The following PTCHD1 variants were observed in gnomAD, a reference collection of about 807,000 sequenced individuals.
PTCHD1 encodes the protein patched domain-containing protein 1.
PTCHD1 carries 3 observed loss-of-function variants against 34.6 expected under a neutral mutation model. The ratio of observed to expected loss-of-function variants is 0.09; its 90% confidence interval spans 0.04 to 0.22. The LOEUF (loss-of-function observed/expected upper bound fraction) is 0.22. PTCHD1 is among the 10% of genes least tolerant of loss of function. PTCHD1 has a pLI of 1.00. For synonymous variants in PTCHD1, 305 were observed against 283.1 expected, an observed-to-expected ratio of 1.08 and a Z score of -0.77; for missense variants, 504 against 685.5, an observed-to-expected ratio of 0.74 and a Z score of 2.96.
chrX:23,389,996 C>T (rs996247189), intron 2 of PTCHD1, among the ~76,000 whole-genome samples: 1 of 111,684 alleles, frequency 9.0e-6, no homozygotes, highest in African/African-American at 3.3e-5. Context: ...ATTCAAATTC[C>T]TTTTCTCAAT....
At chrX:23,347,002 T>A (rs2146613416) in intron 1 of PTCHD1, among the ~76,000 whole-genome samples, 1 of 112,172 alleles carries the variant, frequency 8.9e-6, no homozygotes, top group South Asian at 3.7e-4. Flanking sequence ...ATTATCATTG[T>A]GAAATCCACC....
chrX:23,365,482 G>A (rs1163248395), intron 1 of PTCHD1, among the ~76,000 whole-genome samples: 1 of 110,474 alleles, frequency 9.1e-6, no homozygotes, highest in Non-Finnish European at 1.9e-5. Context: ...AGGGCAAACA[G>A]AACGGAGCAG....
chrX:23,364,638 A>G lies in PTCHD1; in HGVS notation c.352-14953A>G, dbSNP rs188737793. The stretch of plus-strand genomic sequence containing the variant: ...ATGGAGAATTTGTCTCCATCAGCAC[A>G]TACTCCCCAGGCACATCACTGCCTG... On this transcript the variant is annotated intron_variant, in intron 1 of 2. Transcript: ENST00000379361. Among the ~76,000 whole-genome samples, 529 of 112,214 alleles carry G rather than the reference A, an allele frequency of 4.7e-3. 2 individuals are homozygous for G. The highest frequency in any genetic ancestry group is 5.8e-3 in the Non-Finnish European group (311 of 53,214).
chrX:23,336,298 T>A (rs1921168494), intron 1 of PTCHD1, among the ~76,000 whole-genome samples: 2 of 111,535 alleles, frequency 1.8e-5, no homozygotes, highest in Non-Finnish European at 3.8e-5. Flanking sequence ...GCTTGTTTAC[T>A]TAAGGTTCTC....
intron 2 of PTCHD1, among the ~76,000 whole-genome samples, chrX:23,385,266 G>A (rs1176717977): frequency 9.0e-6 from 1 of 111,553 alleles, no homozygotes; most frequent in African/African-American, 3.3e-5. Flanking sequence ...AGAGTAGGTG[G>A]AAATAAATAG....
intron 1 of PTCHD1, among the ~76,000 whole-genome samples, chrX:23,375,545 C>G (rs1267533872): frequency 1.1e-5 from 1 of 87,884 alleles, no homozygotes; most frequent in Non-Finnish European, 2.2e-5. Flanking sequence ...TCCCAAAGTG[C>G]TGGGATTACA....
At chrX:23,380,403 G>A in intron 2 of PTCHD1, 152 bp downstream of exon 2, 1 of 559,937 alleles carries the variant, frequency 1.8e-6, no homozygotes, top group Non-Finnish European at 3.0e-6. Context: ...TAAAGTGCTG[G>A]TAATCAGCAA....
chrX:23,350,966 C>G, intron 1 of PTCHD1: 5 of 218,970 alleles, frequency 2.3e-5, no homozygotes, highest in Non-Finnish European at 3.3e-5. Flanking sequence ...CCAGAGCCTA[C>G]TGGATTCCCA....
intron 1 of PTCHD1, among the ~76,000 whole-genome samples, chrX:23,342,289 TA>T (rs1569132022): frequency 3.7e-3 from 22 of 6,026 alleles, no homozygotes; most frequent in African/African-American, 6.9e-3. Context: ...TATATATATA[TA>T]TATATATATA....
In PTCHD1 at chrX:23,403,745, A is replaced by G. The variant is rs947463361; in HGVS notation, c.*9560A>G. The G allele has an allele frequency of 1.1e-4, 12 of 111,547 alleles. No individual in the cohort carries two copies. Among genetic ancestry groups the G allele is most frequent in the African/African-American group, 3.6e-4 (11 of 30,653 alleles). The allele number at this position is 111,547 out of a possible 1,213,427, so 9.2% of individuals were successfully genotyped here. On this transcript the variant is annotated 3_prime_UTR_variant, in exon 3 of 3. Coordinates refer to ENST00000379361, the MANE Select transcript of PTCHD1 (RefSeq NM_173495.3). Reference sequence around the variant, plus strand: ...AATGTTTTATCTGAAGAGGCTGTGTATGCCACCCCAGACCCCTGCATTTCT... The same window carrying G: ...AATGTTTTATCTGAAGAGGCTGTGTGTGCCACCCCAGACCCCTGCATTTCT...
chrX:23,390,249 T>TA (rs1922793380), intron 2 of PTCHD1, among the ~76,000 whole-genome samples: 1 of 108,049 alleles, frequency 9.3e-6, no homozygotes, highest in Non-Finnish European at 1.9e-5. Flanking sequence ...TAAATATCAT[T>TA]AAAAAATTAT....
At chrX:23,360,647 C>T (rs151033846) in intron 1 of PTCHD1, among the ~76,000 whole-genome samples, 2 of 111,380 alleles carry the variant, frequency 1.8e-5, no homozygotes, top group African/African-American at 6.5e-5. Flanking sequence ...TCTCTATCTC[C>T]CTCAGTTCTG....
rs201282051 is a variant in PTCHD1 at position 23,341,087 on chromosome X, TG to T, written c.351+5865del. On this transcript the variant is annotated intron_variant, in intron 1 of 2. Transcript: ENST00000379361. ...AATGCCCACTTGTCTCATTTAGATT[TG>T]GGGAGCAGTCTTTTAATTCTCCATT... 3.3e-3 allele frequency among the ~76,000 whole-genome samples: 368 copies of T among 112,327 alleles called. 2 individuals are homozygous for T. Among genetic ancestry groups the T allele is most frequent in the Admixed American group, 0.03 (324 of 10,666 alleles).
At chrX:23,354,727 C>T (rs1204497358) in intron 1 of PTCHD1, among the ~76,000 whole-genome samples, 3 of 108,368 alleles carry the variant, frequency 2.8e-5, no homozygotes, top group Middle Eastern at 4.3e-3. Flanking sequence ...CGCCTGCCAC[C>T]ACGCCCAGCT....
intron 1 of PTCHD1, among the ~76,000 whole-genome samples, chrX:23,361,862 C>T (rs189239016): frequency 2.7e-5 from 3 of 111,722 alleles, no homozygotes; most frequent in African/African-American, 9.8e-5. Flanking sequence ...CAAAATCTCT[C>T]GGCATTTGTT....
chrX:23,392,488 T>C (rs761232825), intron 2 of PTCHD1, 43 bp from the exon 3 acceptor site: 1 of 880,443 alleles, frequency 1.1e-6, no homozygotes, highest in East Asian at 3.1e-5. Context: ...CTTAAGAGAT[T>C]AGTTCTTTAA....
intron 1 of PTCHD1, among the ~76,000 whole-genome samples, chrX:23,347,900 C>T (rs7059463): frequency 0.093 from 10,396 of 111,322 alleles, 396 homozygotes; most frequent in Middle Eastern, 0.12. Context: ...GTCCTAGATT[C>T]TTGGGAAGCT....
chrX:23,337,179 A>G (rs1921191635), intron 1 of PTCHD1, among the ~76,000 whole-genome samples: 1 of 112,333 alleles, frequency 8.9e-6, no homozygotes, highest in Admixed American at 9.4e-5. Flanking sequence ...GTTTGCCTCC[A>G]TATCTAAAGG....
chrX:23,346,370 A>G (rs1290355294), intron 1 of PTCHD1, among the ~76,000 whole-genome samples: 1 of 111,161 alleles, frequency 9.0e-6, no homozygotes, highest in African/African-American at 3.3e-5. Flanking sequence ...TATGACAGGG[A>G]AGAGTGGGAA....
Sources: allele counts gnomAD v4.1 joint callset (sites outside exome capture counted in the v4.1 genomes callset), GRCh38; gene constraint gnomAD v4.1.1; transcripts MANE v1.5; gene names NCBI Gene and HGNC (gene_info 2026-07-23, HGNC 2026-07-21).